The following DCC variants were observed in gnomAD, a reference collection of about 807,000 sequenced individuals.
DCC encodes netrin receptor DCC.
A neutral mutation model predicts 172.5 loss-of-function variants in DCC; 58 were observed. The ratio of observed to expected loss-of-function variants is 0.34; its 90% CI spans 0.27 to 0.42. DCC has a LOEUF of 0.42. Among genes scored for constraint, DCC ranks in the 10% least tolerant of loss-of-function variants. DCC has a pLI of 1.00. For synonymous variants in DCC, 709 were observed against 644.5 expected (o/e 1.10, Z -1.52); for missense variants, 1,740 against 1,791.0 (o/e 0.97, Z 0.51).
intron 14 of DCC, among the ~76,000 whole-genome samples, chr18:53,328,111 A>T (rs1301946543): frequency 2.0e-5 from 3 of 152,346 alleles, no homozygotes; most frequent in Admixed American, 6.5e-5. Flanking sequence ...GTTGTTCAGA[A>T]TCTCAAAGTT....
At chr18:53,027,807 C>T (rs935679969) in intron 5 of DCC, among the ~76,000 whole-genome samples, 4 of 151,924 alleles carry the variant, frequency 2.6e-5, no homozygotes, top group African/African-American at 7.3e-5. Flanking sequence ...ATAGTTTTGA[C>T]GCACGTCAAG....
At chr18:52,343,807 C>T (rs1983761010) in intron 1 of DCC, among the ~76,000 whole-genome samples, 1 of 152,224 alleles carries the variant, frequency 6.6e-6, no homozygotes, top group African/African-American at 2.4e-5. Context: ...CCTAGGCGAC[C>T]TCTTCTCATT....
rs1317572138 is a variant in DCC, at chr18:52,856,663, A to G, written c.413-49381A>G. Among the ~76,000 whole-genome samples the G allele has an allele frequency of 2.6e-5, 4 of 151,438 alleles. No homozygotes were observed. In the East Asian group the frequency reaches 7.8e-4, roughly 29 times the overall value. On this transcript the variant is annotated intron_variant, in intron 2 of 28. Coordinates refer to ENST00000442544, the MANE Select transcript of DCC (RefSeq NM_005215.4). The stretch of plus-strand genomic sequence containing the variant: ...AAAAAAGAAAACAAAATGGCAATAT[A>G]TATTATGAATTCACTACAACTTTTA...
intron 7 of DCC, among the ~76,000 whole-genome samples, chr18:53,067,292 G>A (rs982984768): frequency 6.6e-6 from 1 of 152,078 alleles, no homozygotes; most frequent in Admixed American, 6.6e-5. Flanking sequence ...AGGCCAAGGG[G>A]TGAGGATGGC....
chr18:53,459,484 G>C, intron 24 of DCC, 26 bp downstream of exon 24: 1 of 1,432,782 alleles, frequency 7.0e-7, no homozygotes, highest in Non-Finnish European at 9.8e-7. Flanking sequence ...CTGGCATTAG[G>C]GAAAACATAC....
intron 25 of DCC, among the ~76,000 whole-genome samples, chr18:53,473,317 G>A (rs2045721153): frequency 6.6e-6 from 1 of 152,104 alleles, no homozygotes; most frequent in Non-Finnish European, 1.5e-5. Flanking sequence ...ACATTTTATT[G>A]TTTAATACCT....
At chr18:53,487,991 C>G (rs767338704) in intron 26 of DCC, among the ~76,000 whole-genome samples, 1 of 152,156 alleles carries the variant, frequency 6.6e-6, no homozygotes, top group East Asian at 1.9e-4. Context: ...GCCTTCTTCA[C>G]TTCTAAAATG....
At chr18:52,612,124 C>T (rs76684222) in intron 1 of DCC, among the ~76,000 whole-genome samples, 6,134 of 152,218 alleles carry the variant, frequency 0.04, 159 homozygotes, top group Non-Finnish European at 0.053. Context: ...TACCCCAATA[C>T]TTACTCAATT....
intron 5 of DCC, among the ~76,000 whole-genome samples, chr18:52,939,435 C>T (rs986484936): frequency 6.6e-6 from 1 of 152,046 alleles, no homozygotes; most frequent in Non-Finnish European, 1.5e-5. Flanking sequence ...TTTTTTGTCT[C>T]CCCAGTGAAA....
chr18:53,410,684 G>T (rs1909927974), intron 20 of DCC, 38 bp downstream of exon 20: 1 of 1,300,082 alleles, frequency 7.7e-7, no homozygotes, highest in Non-Finnish European at 1.1e-6. Context: ...CTTTTCCTGT[G>T]GGATTGTTAT....
intron 28 of DCC, chr18:53,527,090 C>CGTGTGTGTGTGTGTGT (rs200516080): frequency 6.4e-5 from 13 of 203,704 alleles, no homozygotes; most frequent in African/African-American, 2.5e-4. Context: ...CACATGGATA[C>CGTGTGTGTGTGTGTGT]GTGTGTGTGT....
At position 52,487,810 on chromosome 18, in the gene DCC, C is replaced by CAAAAAA. The variant is rs5824940; in HGVS notation, c.91+146953_91+146958dup. Reference sequence around the variant, plus strand: ...TGGGTGACAGAGTGAGACTCCACCTCAAAAAAAAAAAAAAAAAAAAAAAAA... The same window carrying CAAAAAA: ...TGGGTGACAGAGTGAGACTCCACCTCAAAAAAAAAAAAAAAAAAAAAAAAAAAAAAA... On this transcript the variant is annotated intron_variant, in intron 1 of 28. Coordinates refer to ENST00000442544, the MANE Select transcript of DCC (RefSeq NM_005215.4). Among the ~76,000 whole-genome samples, 295 of 74,382 alleles carry CAAAAAA rather than the reference C, an allele frequency of 4.0e-3. 10 individuals are homozygous for CAAAAAA. The highest frequency in any genetic ancestry group is 0.01 in the African/African-American group (182 of 17,482). 48.8% of individuals were successfully genotyped at this position (74,382 alleles called of 152,430 possible).
At chr18:53,307,197 A>T (rs1039746506) in intron 13 of DCC, among the ~76,000 whole-genome samples, 2 of 152,214 alleles carry the variant, frequency 1.3e-5, no homozygotes, top group African/African-American at 4.8e-5. Context: ...TCATGTTTTA[A>T]ATATGGACAA....
chr18:52,914,385 GAGAA>G (rs752490354), intron 3 of DCC, among the ~76,000 whole-genome samples: 11 of 152,044 alleles, frequency 7.2e-5, no homozygotes, highest in Non-Finnish European at 1.6e-4. Context: ...TGTGTACATA[GAGAA>G]AGAAAGAGGA....
chr18:52,848,275 T>C (rs941178672), intron 2 of DCC, among the ~76,000 whole-genome samples: 5 of 151,946 alleles, frequency 3.3e-5, no homozygotes, highest in African/African-American at 7.3e-5. Context: ...TTGGTAAAGA[T>C]GGGGTTTTGC....
chr18:52,720,845 C>G (rs2036462651), intron 1 of DCC, among the ~76,000 whole-genome samples: 1 of 152,158 alleles, frequency 6.6e-6, no homozygotes. Context: ...GATTTCTTAA[C>G]ATGCTGCTGT....
intron 27 of DCC, among the ~76,000 whole-genome samples, chr18:53,506,359 G>GAAAT (rs1218674350): frequency 6.6e-6 from 1 of 152,148 alleles, no homozygotes; most frequent in Admixed American, 6.5e-5. Flanking sequence ...CAGATACGAT[G>GAAAT]AAATAACTTA....
chr18:53,187,112 TTC>T (rs749077975), intron 9 of DCC, among the ~76,000 whole-genome samples: 9 of 145,408 alleles, frequency 6.2e-5, no homozygotes, highest in Non-Finnish European at 1.2e-4. Context: ...CAAATTTACT[TTC>T]TCTCTTTTTT....
chr18:53,012,974 T>G (rs528375189), intron 5 of DCC, among the ~76,000 whole-genome samples: 41 of 152,250 alleles, frequency 2.7e-4, no homozygotes, highest in African/African-American at 9.4e-4. Flanking sequence ...TGAAAAATAG[T>G]TCATTATCAC....
Sources: allele counts gnomAD v4.1 joint callset (sites outside exome capture counted in the v4.1 genomes callset), GRCh38; gene constraint gnomAD v4.1.1; transcripts MANE v1.5; gene names NCBI Gene and HGNC (gene_info 2026-07-23, HGNC 2026-07-21).